CCNT2: variants seen among roughly 807,000 people sequenced by gnomAD.
The protein encoded by CCNT2 is cyclin-T2.
CCNT2 carries 18 observed loss-of-function variants against 70.0 expected under a neutral mutation model. The ratio of observed to expected loss-of-function variants is 0.26; its 90% CI spans 0.18 to 0.38. CCNT2 has a LOEUF of 0.38. CCNT2 is among the 10% of genes least tolerant of loss of function. The pLI, the probability that CCNT2 is intolerant of heterozygous loss-of-function variation, is 1.00. For missense variants in CCNT2, 734 were observed against 890.2 expected (o/e 0.82, Z 2.23); for synonymous variants, 334 against 313.3 (o/e 1.07, Z -0.70).
intron 7 of CCNT2, among the ~76,000 whole-genome samples, chr2:134,949,722 C>T (rs1466304122): frequency 7.2e-6 from 1 of 139,742 alleles, no homozygotes; most frequent in African/African-American, 2.7e-5. Context: ...TGTTCTATAG[C>T]TTGAAAAATC....
Position 134,936,931 on chromosome 2 carries a change from C to A in CCNT2, c.331C>A (p.Leu111Ile). Residue 111 changes from leucine (L) to isoleucine (I), a missense_variant, in exon 3 of 9, where the codon CTT becomes ATT. Coordinates refer to ENST00000264157, the MANE Select transcript of CCNT2 (RefSeq NM_058241.3). ...TGTTATCAAAGTAGCACATGCTTGT[C>A]TTCATCCTCTAGAGCCACTGCTGGA... ...EHVIKVAHACLHPLEPLLDTK... is the reference protein window; with the variant it reads ...EHVIKVAHACIHPLEPLLDTK... 6.2e-7 allele frequency: 1 copy of A among 1,610,534 alleles called. No individual in the cohort carries two copies. Among genetic ancestry groups the A allele is most frequent in the South Asian group, 1.1e-5 (1 of 90,962 alleles).
chr2:134,918,843 G>A lies in CCNT2; in HGVS notation c.-12G>A, dbSNP rs748908380. 1.6e-5 allele frequency: 26 copies of A among 1,609,990 alleles called. No homozygotes were observed. The highest frequency in any genetic ancestry group is 3.3e-5 in the Admixed American group (2 of 59,706). ...GGGGGTGAATGAAGGAGCGGGCGGA[G>A]GAGGAAGTGTCATGGCGTCGGGCCG... On this transcript the variant is annotated 5_prime_UTR_variant, in exon 1 of 9. Coordinates refer to ENST00000264157, the MANE Select transcript of CCNT2 (RefSeq NM_058241.3).
Position 134,956,095 on chromosome 2 carries a change from T to C in CCNT2, c.*1447T>C, listed in dbSNP as rs1343842645. ...TCTTGAATTTATTCTGTGGTAAATC[T>C]TTTGAGTTGTTGAGTATATTTGAGA... is the stretch of plus-strand genomic sequence containing the variant. On this transcript the variant is annotated 3_prime_UTR_variant, in exon 9 of 9. Transcript: ENST00000264157. 6.6e-6 allele frequency: 1 copy of C among 152,664 alleles called. No individual in the cohort carries two copies. The highest frequency in any genetic ancestry group is 1.5e-5 in the Non-Finnish European group (1 of 68,020). The allele number at this position is 152,664 out of a possible 1,614,324, so 9.5% of individuals were successfully genotyped here. A position where few individuals can be genotyped will look rare whatever the true frequency, so the allele number is the denominator to read the frequency against.
intron 5 of CCNT2, chr2:134,944,375 T>C: frequency 1.0e-6 from 1 of 967,082 alleles, no homozygotes; most frequent in Non-Finnish European, 1.2e-6. Flanking sequence ...TGTTTAAAAA[T>C]ATTACTTGTG....
chr2:134,949,552 C>A (rs1037529414), intron 7 of CCNT2, among the ~76,000 whole-genome samples: 1 of 152,090 alleles, frequency 6.6e-6, no homozygotes, highest in Non-Finnish European at 1.5e-5. Flanking sequence ...TTGTTTTCCA[C>A]CTGGAAAAAA....
chr2:134,950,682 G>A (rs572212016), intron 7 of CCNT2, among the ~76,000 whole-genome samples: 6 of 152,252 alleles, frequency 3.9e-5, no homozygotes, highest in African/African-American at 1.4e-4. Flanking sequence ...GTAGAGTGAA[G>A]TGATACTACT....
intron 5 of CCNT2, chr2:134,945,333 G>C: frequency 1.0e-6 from 1 of 985,364 alleles, no homozygotes; most frequent in African/African-American, 1.7e-5. Flanking sequence ...TTGGGAAAAA[G>C]GGAAACTATA....
chr2:134,950,694 T>C (rs1336716779), intron 7 of CCNT2, among the ~76,000 whole-genome samples: 4 of 152,240 alleles, frequency 2.6e-5, no homozygotes, highest in Non-Finnish European at 5.9e-5. Flanking sequence ...GATACTACTA[T>C]TCTTATTACT....
intron 2 of CCNT2, among the ~76,000 whole-genome samples, chr2:134,924,440 G>A (rs1680131723): frequency 6.6e-6 from 1 of 151,940 alleles, no homozygotes; most frequent in Non-Finnish European, 1.5e-5. Flanking sequence ...CCCTCCAAAA[G>A]TAACCAGTAT....
At chr2:134,932,216 G>A (rs930358358) in intron 2 of CCNT2, among the ~76,000 whole-genome samples, 18 of 151,948 alleles carry the variant, frequency 1.2e-4, no homozygotes, top group African/African-American at 4.4e-4. Context: ...TGACCTGTTG[G>A]TCTCAAACTC....
chr2:134,934,979 A>G lies in CCNT2; in HGVS notation c.241-1862A>G, dbSNP rs146518075. 2.6e-3 allele frequency among the ~76,000 whole-genome samples: 401 copies of G among 152,310 alleles called. 1 individual carries two copies. Among genetic ancestry groups the G allele is most frequent in the African/African-American group, 9.1e-3 (378 of 41,572 alleles). ...GTGTCTTCATTTTCTTGAATGTCTT[A>G]TGTGGGCATCAGCTCTCAGATTTTT... On this transcript the variant is annotated intron_variant, in intron 2 of 8. Transcript: ENST00000264157.
intron 2 of CCNT2, among the ~76,000 whole-genome samples, chr2:134,936,355 G>A (rs1352716052): frequency 2.6e-5 from 4 of 151,996 alleles, no homozygotes; most frequent in Non-Finnish European, 5.9e-5. Flanking sequence ...TCTATTTAAT[G>A]AATAACTTTA....
At chr2:134,924,026 T>G (rs536973478) in intron 2 of CCNT2, among the ~76,000 whole-genome samples, 3 of 152,344 alleles carry the variant, frequency 2.0e-5, no homozygotes, top group African/African-American at 7.2e-5. Flanking sequence ...AGTGTTAGCA[T>G]TTATGCATTG....
intron 2 of CCNT2, among the ~76,000 whole-genome samples, chr2:134,923,507 T>G (rs1268555879): frequency 6.6e-6 from 1 of 152,208 alleles, no homozygotes; most frequent in African/African-American, 2.4e-5. Flanking sequence ...TTAGCATTAC[T>G]TGGAAATACT....
In CCNT2 at chr2:134,952,628, AT is replaced by A. The variant is rs1470662209; in HGVS notation, c.704-9del. 6.5e-7 allele frequency: 1 copy of A among 1,546,114 alleles called. No homozygotes were observed. Among genetic ancestry groups the A allele is most frequent in the South Asian group, 1.2e-5 (1 of 84,260 alleles). ...GGCACCTTCTAAGTTTCAAATTTAA[AT>A]TTTATTTTTAGAGCTAACACATGAG... On this transcript the variant is annotated splice_polypyrimidine_tract_variant and intron_variant, in intron 7 of 8. Coordinates refer to ENST00000264157, the MANE Select transcript of CCNT2 (RefSeq NM_058241.3).
intron 5 of CCNT2, chr2:134,945,516 AT>A (rs777398350): frequency 2.0e-6 from 2 of 985,220 alleles, no homozygotes; most frequent in Non-Finnish European, 2.4e-6. Flanking sequence ...AGATTCTGTA[AT>A]TTGAACTAAA....
At chr2:134,948,416 G>A (rs1682161891) in intron 7 of CCNT2, among the ~76,000 whole-genome samples, 1 of 152,216 alleles carries the variant, frequency 6.6e-6, no homozygotes, top group Non-Finnish European at 1.5e-5. Context: ...TACTAATTCT[G>A]TTGAGTTTTA....
At chr2:134,920,039 G>A in intron 2 of CCNT2, 148 bp downstream of exon 2, 1 of 533,968 alleles carries the variant, frequency 1.9e-6, no homozygotes, top group East Asian at 3.3e-5. Flanking sequence ...TTCAGATGCG[G>A]TGTTTTTGTG....
intron 1 of CCNT2, 100 bp downstream of exon 1, chr2:134,919,112 T>C: frequency 1.5e-6 from 2 of 1,349,718 alleles, no homozygotes; most frequent in South Asian, 1.4e-5. Flanking sequence ...CGGCCTTCGC[T>C]GGGCCTCGGC....
Sources: gnomAD v4.1 joint callset for allele counts (sites outside exome capture counted in the v4.1 genomes callset) on GRCh38, gnomAD v4.1.1 for gene constraint, MANE v1.5 for transcripts, NCBI Gene and HGNC (gene_info 2026-07-23, HGNC 2026-07-21) for gene names.